The following PCDH15 variants were observed in gnomAD, a reference collection of about 807,000 sequenced individuals.
The protein encoded by PCDH15 is protocadherin-15.
A neutral mutation model predicts 178.5 loss-of-function variants in PCDH15; 129 were observed. That is an observed-to-expected ratio of 0.72 (90% confidence interval 0.63 to 0.84). The LOEUF (loss-of-function observed/expected upper bound fraction) is 0.84, where lower values mean the gene tolerates loss of function less well. Among genes scored for constraint, PCDH15 ranks in the 40% least tolerant of loss-of-function variants. PCDH15 has a pLI of 0.00. For synonymous variants in PCDH15, 800 were observed against 732.0 expected, an observed-to-expected ratio of 1.09 and a Z score of -1.50; for missense variants, 2,230 against 2,099.9, an observed-to-expected ratio of 1.06 and a Z score of -1.21.
At chr10:54,717,049 C>A (rs2095489172) in intron 1 of PCDH15, among the ~76,000 whole-genome samples, 1 of 148,510 alleles carries the variant, frequency 6.7e-6, no homozygotes, top group African/African-American at 2.5e-5. Flanking sequence ...GGAAAACTGG[C>A]TAGCTATATG....
At chr10:53,997,209 A>C (rs2091898881) in intron 20 of PCDH15, among the ~76,000 whole-genome samples, 1 of 152,170 alleles carries the variant, frequency 6.6e-6, no homozygotes, top group South Asian at 2.1e-4. Context: ...TATGAAAAAT[A>C]TTTTTACAAT....
intron 2 of PCDH15, among the ~76,000 whole-genome samples, chr10:54,599,249 T>G (rs1160530692): frequency 6.6e-6 from 1 of 152,072 alleles, no homozygotes; most frequent in East Asian, 1.9e-4. Context: ...CTACCTGACT[T>G]CAAACTATCC....
chr10:55,577,996 T>C (rs1379821892), intron 2 of PCDH15, among the ~76,000 whole-genome samples: 3 of 152,110 alleles, frequency 2.0e-5, no homozygotes, highest in Non-Finnish European at 4.4e-5. Context: ...TCCCTGGATT[T>C]AACCATAACA....
intron 1 of PCDH15, among the ~76,000 whole-genome samples, chr10:55,210,072 G>A (rs1381719699): frequency 6.6e-6 from 1 of 151,908 alleles, no homozygotes; most frequent in Non-Finnish European, 1.5e-5. Flanking sequence ...CCAAAAAAGA[G>A]GGGTTTTGGG....
chr10:54,608,271 G>C (rs1028659303), intron 2 of PCDH15, among the ~76,000 whole-genome samples: 1 of 150,766 alleles, frequency 6.6e-6, no homozygotes, highest in Non-Finnish European at 1.5e-5. Context: ...AGTTTAGGAC[G>C]AGCATGGGCA....
intron 3 of PCDH15, among the ~76,000 whole-genome samples, chr10:54,495,512 T>C (rs1371117658): frequency 1.3e-5 from 2 of 152,172 alleles, no homozygotes; most frequent in Non-Finnish European, 1.5e-5. Context: ...CCATTTACAT[T>C]CTAAGTTTAA....
intron 3 of PCDH15, among the ~76,000 whole-genome samples, chr10:54,520,657 G>C (rs1012988049): frequency 9.2e-5 from 14 of 151,760 alleles, no homozygotes; most frequent in Admixed American, 3.3e-4. Flanking sequence ...TCAGTGTGGC[G>C]ATTCCTCAGG....
At chr10:54,152,450 T>G (rs1159727198) in intron 14 of PCDH15, among the ~76,000 whole-genome samples, 1 of 151,836 alleles carries the variant, frequency 6.6e-6, no homozygotes, top group Admixed American at 6.6e-5. Flanking sequence ...ATTACATAAC[T>G]GTGAAAAAAA....
At chr10:55,567,868 C>T (rs1371058182) in intron 2 of PCDH15, among the ~76,000 whole-genome samples, 1 of 151,630 alleles carries the variant, frequency 6.6e-6, no homozygotes, top group Non-Finnish European at 1.5e-5. Context: ...CAATGAGATA[C>T]CAGCCCATAC....
intron 2 of PCDH15, among the ~76,000 whole-genome samples, chr10:55,584,464 C>G (rs1205738893): frequency 1.3e-5 from 2 of 151,720 alleles, no homozygotes; most frequent in South Asian, 2.1e-4. Context: ...CGAGACCATC[C>G]TGGCCAACAT....
chr10:54,504,354 A>G (rs1389555123), intron 3 of PCDH15, among the ~76,000 whole-genome samples: 2 of 151,872 alleles, frequency 1.3e-5, no homozygotes, highest in African/African-American at 2.4e-5. Flanking sequence ...ATTCCTCACA[A>G]CCCTGTTCAG....
intron 3 of PCDH15, among the ~76,000 whole-genome samples, chr10:54,489,828 T>C (rs1213067356): frequency 1.3e-5 from 2 of 152,214 alleles, no homozygotes; most frequent in African/African-American, 2.4e-5. Flanking sequence ...TTTAATTCTG[T>C]CTTTGCCAGG....
intron 2 of PCDH15, among the ~76,000 whole-genome samples, chr10:54,559,744 G>A (rs1461213249): frequency 2.0e-5 from 3 of 146,612 alleles, no homozygotes; most frequent in Non-Finnish European, 4.5e-5. Context: ...AACAAAACAA[G>A]CATGCTTTAG....
intron 2 of PCDH15, among the ~76,000 whole-genome samples, chr10:55,395,196 T>TGTGTGTGAGA (rs1438872191): frequency 1.2e-3 from 157 of 126,690 alleles, no homozygotes; most frequent in African/African-American, 4.7e-3. Flanking sequence ...TGTGTGTGTG[T>TGTGTGTGAGA]GAGAGAGAGA....
In PCDH15 at chr10:53,806,248, T is replaced by G. The variant is rs1841147165; in HGVS notation, c.*331A>C. 3 of 209,218 alleles carry G rather than the reference T, an allele frequency of 1.4e-5. No individual in the cohort carries two copies. The South Asian group carries it at 2.8e-4, about 19-fold the overall frequency. 13.0% of individuals were successfully genotyped at this position (209,218 alleles called of 1,614,324 possible). A position where few individuals can be genotyped will look rare whatever the true frequency, so the allele number is the denominator to read the frequency against. ...TTGTGGAGCTAGAAATAAAGCATAA[T>G]CTATGTTAATCAATAAAATATAAAT... On this transcript the variant is annotated 3_prime_UTR_variant, in exon 38 of 38. Transcript: ENST00000644397.
intron 2 of PCDH15, among the ~76,000 whole-genome samples, chr10:55,578,688 A>G (rs1842545511): frequency 6.6e-6 from 1 of 152,208 alleles, no homozygotes; most frequent in Non-Finnish European, 1.5e-5. Context: ...TAATTTATAA[A>G]GGAAAGAGGT....
intron 21 of PCDH15, among the ~76,000 whole-genome samples, chr10:53,968,902 A>C (rs2089350967): frequency 6.6e-6 from 1 of 152,186 alleles, no homozygotes; most frequent in South Asian, 2.1e-4. Flanking sequence ...GATGGGGAGA[A>C]ACCAGAGCAG....
intron 2 of PCDH15, among the ~76,000 whole-genome samples, chr10:55,613,376 A>G (rs936980140): frequency 2.6e-5 from 4 of 152,140 alleles, no homozygotes; most frequent in South Asian, 2.1e-4. Flanking sequence ...GGCAGCACCA[A>G]CAAAAAACAT....
At chr10:55,077,663 C>A (rs1249346361) in intron 2 of PCDH15, among the ~76,000 whole-genome samples, 1 of 152,094 alleles carries the variant, frequency 6.6e-6, no homozygotes, top group Non-Finnish European at 1.5e-5. Context: ...GATTCTCCTG[C>A]CTCAGCCTCC....
Sources: gnomAD v4.1 joint callset for allele counts (sites outside exome capture counted in the v4.1 genomes callset) on GRCh38, gnomAD v4.1.1 for gene constraint, MANE v1.5 for transcripts, NCBI Gene and HGNC (gene_info 2026-07-23, HGNC 2026-07-21) for gene names.